Variants in SLC30A8 observed in about 807,000 individuals in gnomAD.
SLC30A8 encodes solute carrier family 30 member 8.
A neutral mutation model predicts 36.9 loss-of-function variants in SLC30A8; 27 were observed. That is an observed-to-expected ratio of 0.73 (90% confidence interval 0.54 to 1.01). The LOEUF (loss-of-function observed/expected upper bound fraction) is 1.01, where lower values mean the gene tolerates loss of function less well. SLC30A8 is among the 50% of genes least tolerant of loss of function. The probability of loss-of-function intolerance (pLI) is 0.00; values close to 1 mark genes in which losing one functional copy is unlikely to be tolerated. For synonymous variants in SLC30A8, 164 were observed against 172.4 expected, an observed-to-expected ratio of 0.95 and a Z score of 0.38; for missense variants, 439 against 452.0, an observed-to-expected ratio of 0.97 and a Z score of 0.26.
intron 1 of SLC30A8, among the ~76,000 whole-genome samples, chr8:116,957,394 TC>T (rs1814251280): frequency 6.6e-6 from 1 of 152,068 alleles, no homozygotes; most frequent in South Asian, 2.1e-4. Flanking sequence ...TCTCAGCCTC[TC>T]GAGTAGCTGG....
At chr8:117,022,969 C>G (rs1302199489) in intron 1 of SLC30A8, among the ~76,000 whole-genome samples, 1 of 152,124 alleles carries the variant, frequency 6.6e-6, no homozygotes, top group Non-Finnish European at 1.5e-5. Context: ...ATTTTTGCAA[C>G]CTTCTCATCT....
upstream of SLC30A8, among the ~76,000 whole-genome samples, chr8:117,134,568 A>T (rs1821273218): frequency 6.6e-6 from 1 of 151,922 alleles, no homozygotes; most frequent in Admixed American, 6.6e-5. Flanking sequence ...CCTTGGGTGA[A>T]TCCTTGATCC....
At chr8:117,068,438 A>G (rs1472451274) in intron 2 of SLC30A8, among the ~76,000 whole-genome samples, 1 of 152,244 alleles carries the variant, frequency 6.6e-6, no homozygotes, top group Non-Finnish European at 1.5e-5. Flanking sequence ...GAAGAGTCAC[A>G]CTGGCACGGT....
At chr8:116,978,518 T>C (rs1242276593) in intron 1 of SLC30A8, among the ~76,000 whole-genome samples, 4 of 152,234 alleles carry the variant, frequency 2.6e-5, no homozygotes, top group Non-Finnish European at 5.9e-5. Flanking sequence ...TATTGCAAAC[T>C]GAGGATAAAA....
intron 2 of SLC30A8, among the ~76,000 whole-genome samples, chr8:117,076,753 A>G (rs1351653607): frequency 6.6e-6 from 1 of 150,764 alleles, no homozygotes; most frequent in African/African-American, 2.4e-5. Flanking sequence ...TTCTTCGAGG[A>G]GAGGGGTCAA....
At chr8:117,057,562 C>G (rs1563572383) in intron 2 of SLC30A8, among the ~76,000 whole-genome samples, 1 of 150,862 alleles carries the variant, frequency 6.6e-6, no homozygotes, top group Non-Finnish European at 1.5e-5. Flanking sequence ...ATATTACTCT[C>G]TGGTTTTATG....
intron 1 of SLC30A8, among the ~76,000 whole-genome samples, chr8:117,003,127 C>A (rs960915095): frequency 7.9e-5 from 12 of 152,308 alleles, no homozygotes; most frequent in African/African-American, 2.4e-4. Context: ...TGCAGCACTT[C>A]TGCTGCTGAG....
intron 2 of SLC30A8, among the ~76,000 whole-genome samples, chr8:117,080,121 T>G (rs1234340026): frequency 6.6e-6 from 1 of 152,162 alleles, no homozygotes; most frequent in Non-Finnish European, 1.5e-5. Flanking sequence ...ACCCTATCTT[T>G]CTTAACCTGA....
intron 1 of SLC30A8, among the ~76,000 whole-genome samples, chr8:117,138,493 C>T (rs1821476123): frequency 6.6e-6 from 1 of 151,956 alleles, no homozygotes; most frequent in African/African-American, 2.4e-5. Flanking sequence ...GCTCCCTCTC[C>T]TCCCAGCTTC....
In SLC30A8 at chr8:117,021,139, A is replaced by T. The variant is rs1372551178; in HGVS notation, c.-265-18080A>T. Reference sequence around the variant, plus strand: ...TTACCTTTTAAATGGTTATATAGGTACCTAGTGTAATAGCCTTGATTTTTT... The same window carrying T: ...TTACCTTTTAAATGGTTATATAGGTTCCTAGTGTAATAGCCTTGATTTTTT... On this transcript the variant is annotated intron_variant, in intron 1 of 10. Coordinates refer to the SLC30A8 transcript ENST00000427715. Among the ~76,000 whole-genome samples the T allele has an allele frequency of 3.9e-5, 6 of 152,304 alleles. 1 individual carries two copies. The highest frequency in any genetic ancestry group is 3.9e-4 in the Admixed American group (6 of 15,300).
At chr8:117,043,102 C>A (rs932477887) in intron 2 of SLC30A8, among the ~76,000 whole-genome samples, 1 of 152,184 alleles carries the variant, frequency 6.6e-6, no homozygotes, top group Non-Finnish European at 1.5e-5. Flanking sequence ...ATAAAGCTTT[C>A]TTTGAGCAGC....
chr8:117,044,454 A>C (rs1817483168), intron 2 of SLC30A8, among the ~76,000 whole-genome samples: 1 of 152,166 alleles, frequency 6.6e-6, no homozygotes, highest in Non-Finnish European at 1.5e-5. Flanking sequence ...ACCAGTCCCC[A>C]GAGGACGCGT....
intron 1 of SLC30A8, among the ~76,000 whole-genome samples, chr8:116,998,978 T>C (rs537387041): frequency 6.6e-6 from 1 of 152,230 alleles, no homozygotes; most frequent in South Asian, 2.1e-4. Context: ...GAAACTAACA[T>C]ATGGGCCACG....
intron 2 of SLC30A8, among the ~76,000 whole-genome samples, chr8:117,091,497 T>C (rs1819124346): frequency 6.6e-6 from 1 of 152,186 alleles, no homozygotes; most frequent in Non-Finnish European, 1.5e-5. Context: ...CCTCCGTAGA[T>C]GGTCTTGGGA....
At chr8:117,128,072 A>G (rs1820979369) in intron 2 of SLC30A8, among the ~76,000 whole-genome samples, 1 of 152,050 alleles carries the variant, frequency 6.6e-6, no homozygotes, top group African/African-American at 2.4e-5. Flanking sequence ...GCATAGATAG[A>G]AGAGAACGTG....
chr8:117,163,584 T>A, intron 6 of SLC30A8, 54 bp downstream of exon 6: 1 of 1,342,152 alleles, frequency 7.5e-7, no homozygotes, highest in Non-Finnish European at 1.0e-6. Context: ...TTCCCTAGAA[T>A]CACAAAAGGG....
At chr8:117,104,600 T>A (rs1172785421) in intron 2 of SLC30A8, among the ~76,000 whole-genome samples, 1 of 152,138 alleles carries the variant, frequency 6.6e-6, no homozygotes, top group Non-Finnish European at 1.5e-5. Flanking sequence ...GCCTTCAATG[T>A]CCACATTTCT....
chr8:117,045,571 C>T (rs1178987893), intron 2 of SLC30A8, among the ~76,000 whole-genome samples: 1 of 152,142 alleles, frequency 6.6e-6, no homozygotes, highest in East Asian at 1.9e-4. Flanking sequence ...CAGGCAGTGT[C>T]TGTTAGGTTT....
intron 1 of SLC30A8, among the ~76,000 whole-genome samples, chr8:117,013,342 C>T (rs1816406137): frequency 6.6e-6 from 1 of 152,088 alleles, no homozygotes; most frequent in South Asian, 2.1e-4. Context: ...TTCTCATTCC[C>T]ACATTTGAAA....
Sources: gnomAD v4.1 joint callset for allele counts (sites outside exome capture counted in the v4.1 genomes callset) on GRCh38, gnomAD v4.1.1 for gene constraint, MANE v1.5 for transcripts, NCBI Gene and HGNC (gene_info 2026-07-23, HGNC 2026-07-21) for gene names.